LIN7A: variants seen among roughly 807,000 people sequenced by gnomAD.
The protein encoded by LIN7A is lin-7 cell polarity scaffold A.
A neutral mutation model predicts 29.8 loss-of-function variants in LIN7A; 25 were observed. The ratio of observed to expected loss-of-function variants is 0.84; its 90% CI spans 0.61 to 1.17. LIN7A has a LOEUF of 1.17. LIN7A is among the 50% of genes most tolerant of loss of function. LIN7A has a pLI of 0.00. For synonymous variants in LIN7A, 118 were observed against 107.5 expected (o/e 1.10, Z -0.60); for missense variants, 239 against 287.0 (o/e 0.83, Z 1.21).
At chr12:80,841,218 G>C (rs993440036) in intron 4 of LIN7A, among the ~76,000 whole-genome samples, 2 of 152,012 alleles carry the variant, frequency 1.3e-5, no homozygotes, top group Non-Finnish European at 2.9e-5. Context: ...TTAAGCCCAG[G>C]AGGCAGAGGT....
At chr12:80,931,154 C>T (rs1877878838) in intron 1 of LIN7A, among the ~76,000 whole-genome samples, 1 of 152,138 alleles carries the variant, frequency 6.6e-6, no homozygotes, top group Non-Finnish European at 1.5e-5. Flanking sequence ...AGAGCTAGGC[C>T]TTAGTTGTGA....
intron 2 of LIN7A, among the ~76,000 whole-genome samples, chr12:80,870,654 A>G (rs1164363313): frequency 6.6e-6 from 1 of 152,194 alleles, no homozygotes; most frequent in East Asian, 1.9e-4. Context: ...TCTACAGATT[A>G]CTGGGAGACC....
At chr12:80,836,852 A>C (rs956918053) in intron 4 of LIN7A, among the ~76,000 whole-genome samples, 2 of 151,650 alleles carry the variant, frequency 1.3e-5, no homozygotes, top group African/African-American at 2.4e-5. Context: ...TTCAGCCCAC[A>C]CCTTAGGAGT....
chr12:80,845,236 CAAA>C lies in LIN7A; in HGVS notation c.483+491_483+493del, dbSNP rs68031488. Reference sequence around the variant, plus strand: ...TGGGGGACAGTGTGAGATTCCATCTCAAAAAAAAAAAAAAAAAAAAATTTTGAG... The same window carrying C: ...TGGGGGACAGTGTGAGATTCCATCTCAAAAAAAAAAAAAAAAAATTTTGAG... On this transcript the variant is annotated intron_variant, in intron 4 of 5. Coordinates refer to ENST00000552864, the MANE Select transcript of LIN7A (RefSeq NM_004664.4). Among the ~76,000 whole-genome samples the C allele has an allele frequency of 2.5e-3, 297 of 118,546 alleles. 1 individual carries two copies. The highest frequency in any genetic ancestry group is 7.4e-3 in the African/African-American group (230 of 31,052). 77.8% of individuals were successfully genotyped at this position (118,546 alleles called of 152,430 possible). A position where few individuals can be genotyped will look rare whatever the true frequency, so the allele number is the denominator to read the frequency against.
intron 1 of LIN7A, among the ~76,000 whole-genome samples, chr12:80,907,674 A>C (rs1300657123): frequency 1.3e-5 from 2 of 152,170 alleles, no homozygotes; most frequent in African/African-American, 2.4e-5. Context: ...CTATGGAAAA[A>C]AAGTGATAGA....
chr12:80,831,909 C>G (rs373998437), intron 4 of LIN7A, among the ~76,000 whole-genome samples: 10 of 152,212 alleles, frequency 6.6e-5, no homozygotes, highest in African/African-American at 2.2e-4. Flanking sequence ...ATCATGGCCA[C>G]AAAAATAAGG....
intron 4 of LIN7A, among the ~76,000 whole-genome samples, chr12:80,841,397 AAGGAAGGAAGGAGGG>A (rs1872812582): frequency 1.3e-5 from 2 of 150,204 alleles, no homozygotes; most frequent in South Asian, 2.1e-4. Flanking sequence ...GGAAGGAAGG[AAGGAAGGAAGGAGGG>A]AAAGAAAGTA....
At chr12:80,855,370 C>A (rs1306684171) in intron 2 of LIN7A, among the ~76,000 whole-genome samples, 1 of 151,982 alleles carries the variant, frequency 6.6e-6, no homozygotes, top group Non-Finnish European at 1.5e-5. Context: ...AGATTAATAT[C>A]TATACCTATC....
At chr12:80,912,713 C>CAAA (rs5799498) in intron 1 of LIN7A, among the ~76,000 whole-genome samples, 12,877 of 134,466 alleles carry the variant, frequency 0.096, 802 homozygotes, top group East Asian at 0.29. Flanking sequence ...AGACTTGTCT[C>CAAA]AAAAAAAAAA....
At chr12:80,935,868 C>T (rs764360206) in intron 1 of LIN7A, 14 of 442,368 alleles carry the variant, frequency 3.2e-5, no homozygotes, top group Non-Finnish European at 7.0e-5. Flanking sequence ...CCGATTAGCA[C>T]CTCCTCTCAT....
intron 4 of LIN7A, among the ~76,000 whole-genome samples, chr12:80,812,450 TAAAAAAAAAAAAA>T (rs199686456): frequency 1.5e-5 from 2 of 131,542 alleles, no homozygotes; most frequent in Non-Finnish European, 3.2e-5. Context: ...TCAAACACTG[TAAAAAAAAAAAAA>T]AAAAAAAAAA....
chr12:80,825,547 A>G (rs546508657), intron 4 of LIN7A, among the ~76,000 whole-genome samples: 1 of 152,248 alleles, frequency 6.6e-6, no homozygotes, highest in East Asian at 1.9e-4. Flanking sequence ...GGGCTGTTAC[A>G]GTGATGGAAA....
At chr12:80,836,313 C>T (rs1408731658) in intron 4 of LIN7A, among the ~76,000 whole-genome samples, 3 of 152,182 alleles carry the variant, frequency 2.0e-5, no homozygotes, top group Non-Finnish European at 4.4e-5. Context: ...AGACTCTTCT[C>T]CTTAATCTCA....
chr12:80,812,645 G>A (rs1871346992), intron 4 of LIN7A, among the ~76,000 whole-genome samples: 1 of 152,000 alleles, frequency 6.6e-6, no homozygotes, highest in African/African-American at 2.4e-5. Flanking sequence ...TCCGCCTCCT[G>A]GGTTCAAGAG....
chr12:80,799,928 T>C (rs181798672), intron 5 of LIN7A, among the ~76,000 whole-genome samples: 3 of 152,156 alleles, frequency 2.0e-5, no homozygotes, highest in African/African-American at 7.2e-5. Flanking sequence ...GGAAGAACTA[T>C]GTGAGCCCAG....
chr12:80,916,345 C>G (rs1331572554), intron 1 of LIN7A, among the ~76,000 whole-genome samples: 1 of 152,116 alleles, frequency 6.6e-6, no homozygotes, highest in Non-Finnish European at 1.5e-5. Context: ...CCCCTGATTT[C>G]TCTCTTTCTC....
chr12:80,903,212 T>C (rs924003668), intron 1 of LIN7A, among the ~76,000 whole-genome samples: 1 of 151,808 alleles, frequency 6.6e-6, no homozygotes, highest in Non-Finnish European at 1.5e-5. Flanking sequence ...AATTAACAAC[T>C]GAGAGATAAA....
chr12:80,907,987 A>G (rs1876573321), intron 1 of LIN7A, among the ~76,000 whole-genome samples: 1 of 152,146 alleles, frequency 6.6e-6, no homozygotes, highest in Non-Finnish European at 1.5e-5. Flanking sequence ...AAATTTATAG[A>G]TAAGCAAACC....
Position 80,795,114 on chromosome 12 carries a change from A to C in LIN7A, c.*2613T>G, listed in dbSNP as rs1329122226. ...GCAATGCAGGTTTTTATTTTAATAT[A>C]ATTTGGGACATGTCAGTGGCTCTAA... On this transcript the variant is annotated 3_prime_UTR_variant, in exon 6 of 6. Transcript: ENST00000552864. 1 of 152,110 alleles carries C rather than the reference A, an allele frequency of 6.6e-6. No individual in the cohort carries two copies. Among genetic ancestry groups the C allele is most frequent in the Non-Finnish European group, 1.5e-5 (1 of 67,994 alleles). The allele number at this position is 152,110 out of a possible 1,614,324, so 9.4% of individuals were successfully genotyped here.
Sources: gnomAD v4.1 joint callset for allele counts (sites outside exome capture counted in the v4.1 genomes callset) on GRCh38, gnomAD v4.1.1 for gene constraint, MANE v1.5 for transcripts, NCBI Gene and HGNC (gene_info 2026-07-23, HGNC 2026-07-21) for gene names.